Variants in CACNB4 observed in about 807,000 individuals in gnomAD.
CACNB4 encodes the protein calcium voltage-gated channel auxiliary subunit beta 4, also known as voltage-dependent L-type calcium channel subunit beta-4.
A neutral mutation model predicts 71.2 loss-of-function variants in CACNB4; 32 were observed. That is an observed-to-expected ratio of 0.45 (90% CI 0.34 to 0.60). The LOEUF is 0.60. Ranked by LOEUF, CACNB4 falls within the 20% of genes least tolerant of loss-of-function variation. The pLI, the probability that CACNB4 is intolerant of heterozygous loss-of-function variation, is 0.01. For missense variants in CACNB4, 464 were observed against 647.9 expected, an observed-to-expected ratio of 0.72 and a Z score of 3.08; for synonymous variants, 231 against 236.9, an observed-to-expected ratio of 0.97 and a Z score of 0.23.
At chr2:151,971,405 C>T (rs2099872513) in intron 2 of CACNB4, 1 of 649,098 alleles carries the variant, frequency 1.5e-6, no homozygotes, top group African/African-American at 1.8e-5. Flanking sequence ...CCCCCACCCC[C>T]AACCGAAGTG....
chr2:152,057,276 C>G (rs1176885943), intron 2 of CACNB4, among the ~76,000 whole-genome samples: 1 of 152,140 alleles, frequency 6.6e-6, no homozygotes, highest in Non-Finnish European at 1.5e-5. Flanking sequence ...TCCCACAAAT[C>G]CTCAGATGAG....
chr2:151,895,460 T>G (rs902267188), intron 2 of CACNB4, among the ~76,000 whole-genome samples: 1 of 151,760 alleles, frequency 6.6e-6, no homozygotes, highest in African/African-American at 2.4e-5. Flanking sequence ...CATTGTACAA[T>G]AATCTAGTAT....
intron 2 of CACNB4, among the ~76,000 whole-genome samples, chr2:151,953,282 G>A (rs184693066): frequency 1.7e-3 from 265 of 152,060 alleles, no homozygotes; most frequent in Admixed American, 4.0e-3. Context: ...TGGGTCCCAC[G>A]GCCATGTCCG....
chr2:151,934,611 G>A (rs112349558), intron 2 of CACNB4, among the ~76,000 whole-genome samples: 3,379 of 152,272 alleles, frequency 0.022, 55 homozygotes, highest in Middle Eastern at 0.037. Flanking sequence ...GGCCGAGGTG[G>A]GCGGATCACG....
At chr2:152,071,522 T>C (rs1468172661) in intron 2 of CACNB4, among the ~76,000 whole-genome samples, 1 of 152,206 alleles carries the variant, frequency 6.6e-6, no homozygotes, top group Non-Finnish European at 1.5e-5. Context: ...CCTCTCGGCA[T>C]GTTCTATGTT....
chr2:152,052,731 G>C (rs760498485), intron 2 of CACNB4, among the ~76,000 whole-genome samples: 1 of 152,132 alleles, frequency 6.6e-6, no homozygotes, highest in Non-Finnish European at 1.5e-5. Context: ...TGTAATTCCA[G>C]CACTTTGGGG....
intron 2 of CACNB4, among the ~76,000 whole-genome samples, chr2:151,914,963 C>A (rs2099857087): frequency 6.6e-6 from 1 of 152,126 alleles, no homozygotes; most frequent in South Asian, 2.1e-4. Flanking sequence ...AGTTGAGTGG[C>A]ACGGGGAGCA....
chr2:151,910,911 T>C (rs2099856002), intron 2 of CACNB4, among the ~76,000 whole-genome samples: 1 of 152,246 alleles, frequency 6.6e-6, no homozygotes, highest in Non-Finnish European at 1.5e-5. Context: ...TTTCACAATA[T>C]TGATTCTTCC....
chr2:152,098,901 T>G lies in CACNB4; in HGVS notation c.63+48A>C, dbSNP rs1490430785. On this transcript the variant is annotated intron_variant, in intron 1 of 13. Coordinates refer to ENST00000539935, the MANE Select transcript of CACNB4 (RefSeq NM_000726.5). The surrounding 1 kb of genome is among the most constrained non-coding windows in gnomAD (Gnocchi z 5.3). ...GCGCGCTAGGGCGGCGGAGGAGGTG[T>G]GAGGAAGGAAGAGGAGGAAGAGGAG... The G allele has an allele frequency of 8.1e-5, 90 of 1,105,114 alleles. No homozygotes were observed. Among genetic ancestry groups the G allele is most frequent in the Admixed American group, 4.7e-4 (10 of 21,170 alleles). The allele number at this position is 1,105,114 out of a possible 1,614,324, so 68.5% of individuals were successfully genotyped here. A position where few individuals can be genotyped will look rare whatever the true frequency, so the allele number is the denominator to read the frequency against.
rs906324221 is a variant in CACNB4, at chr2:152,098,815, G to T, written c.63+134C>A. The T allele has an allele frequency of 3.0e-6, 3 of 985,642 alleles. No homozygotes were observed. In the African/African-American group the frequency reaches 4.9e-5, roughly 16 times the overall value. 61.1% of individuals were successfully genotyped at this position (985,642 alleles called of 1,614,324 possible). ...GGAGAAAGGGACGTGGAGGAGGGGTGGGGGGAGCGGGGCCGCCGACTCCCG... is the reference window on the plus strand; with the variant it reads ...GGAGAAAGGGACGTGGAGGAGGGGTTGGGGGAGCGGGGCCGCCGACTCCCG... On this transcript the variant is annotated intron_variant, in intron 1 of 13. Coordinates refer to ENST00000539935, the MANE Select transcript of CACNB4 (RefSeq NM_000726.5). The surrounding 1 kb of genome is among the most constrained non-coding windows in gnomAD (Gnocchi z 5.3).
chr2:151,965,792 T>C (rs1364738573), intron 2 of CACNB4, among the ~76,000 whole-genome samples: 1 of 152,150 alleles, frequency 6.6e-6, no homozygotes, highest in East Asian at 1.9e-4. Context: ...CACTGTGGGC[T>C]GGAAGTGCAC....
chr2:151,991,601 T>G (rs1019505980), intron 2 of CACNB4, among the ~76,000 whole-genome samples: 5 of 152,242 alleles, frequency 3.3e-5, no homozygotes, highest in Admixed American at 2.6e-4. Flanking sequence ...ATGTGCTTCT[T>G]GCTTTCTAAA....
intron 2 of CACNB4, among the ~76,000 whole-genome samples, chr2:151,956,269 T>TAACAGCCACAAAGTGGA (rs1203342626): frequency 6.6e-6 from 1 of 152,230 alleles, no homozygotes; most frequent in Non-Finnish European, 1.5e-5. Flanking sequence ...GCATTATTCA[T>TAACAGCCACAAAGTGGA]AACAGCCACA....
rs943573809 is a variant in CACNB4, at chr2:151,838,562, TTAAAA to T, written c.*552_*556del. ...GTCATTCTGGCAACATTAACATATA[TTAAAA>T]TGTTTATACACTCCAACTTTAAGTG... On this transcript the variant is annotated 3_prime_UTR_variant, in exon 14 of 14. Transcript: ENST00000539935. 4.6e-5 allele frequency: 7 copies of T among 152,678 alleles called. No homozygotes were observed. The highest frequency in any genetic ancestry group is 1.7e-4 in the African/African-American group (7 of 41,554). The allele number at this position is 152,678 out of a possible 1,614,324, so 9.5% of individuals were successfully genotyped here.
At chr2:152,090,361 T>C (rs1687901766) in intron 2 of CACNB4, among the ~76,000 whole-genome samples, 1 of 151,994 alleles carries the variant, frequency 6.6e-6, no homozygotes, top group South Asian at 2.1e-4. Flanking sequence ...TCTAGAAAAA[T>C]TAAAACTTGA....
chr2:151,997,961 T>G (rs1402843018), intron 2 of CACNB4, among the ~76,000 whole-genome samples: 2 of 152,212 alleles, frequency 1.3e-5, no homozygotes, highest in East Asian at 3.8e-4. Flanking sequence ...ATTACTCTAT[T>G]ACACTGGCAC....
intron 2 of CACNB4, among the ~76,000 whole-genome samples, chr2:151,889,356 C>T (rs1392598697): frequency 6.6e-6 from 1 of 150,844 alleles, no homozygotes; most frequent in African/African-American, 2.4e-5. Flanking sequence ...ATCTCAGCTA[C>T]TTGGGAAGCT....
chr2:151,943,942 C>T (rs758452930), intron 2 of CACNB4, among the ~76,000 whole-genome samples: 3 of 152,010 alleles, frequency 2.0e-5, no homozygotes, highest in Non-Finnish European at 4.4e-5. Flanking sequence ...CCATAAGTTG[C>T]CTGTCATTGG....
At chr2:151,997,758 G>A (rs1682147593) in intron 2 of CACNB4, among the ~76,000 whole-genome samples, 1 of 152,140 alleles carries the variant, frequency 6.6e-6, no homozygotes, top group South Asian at 2.1e-4. Context: ...CTACAACTGT[G>A]AGAAAATAAA....
Sources: gnomAD v4.1 joint callset for allele counts (sites outside exome capture counted in the v4.1 genomes callset) on GRCh38, gnomAD v4.1.1 for gene constraint, Gnocchi (gnomAD v3.1) non-coding constraint, MANE v1.5 for transcripts, NCBI Gene and HGNC (gene_info 2026-07-23, HGNC 2026-07-21) for gene names.